SLC9A8: variants seen among roughly 807,000 people sequenced by gnomAD.
SLC9A8 encodes sodium/hydrogen exchanger 8.
A neutral mutation model predicts 66.6 loss-of-function variants in SLC9A8; 48 were observed. The observed-to-expected ratio is 0.72, with a 90% CI of 0.57 to 0.92. SLC9A8 has a LOEUF of 0.92. Among genes scored for constraint, SLC9A8 ranks in the 40% least tolerant of loss-of-function variants. The pLI is 0.00. For synonymous variants in SLC9A8, 274 were observed against 282.6 expected (o/e 0.97, Z 0.31); for missense variants, 599 against 747.3 (o/e 0.80, Z 2.31).
At chr20:49,841,255 G>A (rs895219662) in intron 4 of SLC9A8, among the ~76,000 whole-genome samples, 7 of 150,960 alleles carry the variant, frequency 4.6e-5, no homozygotes, top group African/African-American at 1.5e-4. Context: ...AGGCTGCAGT[G>A]AGTTATAATT....
chr20:49,816,741 T>A (rs962065031), intron 2 of SLC9A8, among the ~76,000 whole-genome samples: 26 of 152,144 alleles, frequency 1.7e-4, no homozygotes, highest in South Asian at 6.2e-4. Context: ...TTCTTTTTTT[T>A]TTCTTGAGAT....
chr20:49,828,801 T>C (rs1224712499), intron 3 of SLC9A8, among the ~76,000 whole-genome samples: 2 of 151,622 alleles, frequency 1.3e-5, no homozygotes, highest in Non-Finnish European at 2.9e-5. Flanking sequence ...ATTGTGCCAC[T>C]GCACTCCAGC....
intron 7 of SLC9A8, 54 bp downstream of exon 7, chr20:49,850,898 G>C (rs1440600304): frequency 1.5e-6 from 2 of 1,359,986 alleles, no homozygotes; most frequent in African/African-American, 2.9e-5. Context: ...CAGGGGAAAT[G>C]TTTCTCCACA....
In SLC9A8 at chr20:49,812,863, C is replaced by G. The variant is rs2086398414; in HGVS notation, c.-60C>G. The G allele has an allele frequency of 6.7e-7, 1 of 1,492,114 alleles. No homozygotes were observed. The highest frequency in any genetic ancestry group is 1.2e-5 in the South Asian group (1 of 81,868). The allele number at this position is 1,492,114 out of a possible 1,614,324, so 92.4% of individuals were successfully genotyped here. A position where few individuals can be genotyped will look rare whatever the true frequency, so the allele number is the denominator to read the frequency against. On this transcript the variant is annotated 5_prime_UTR_variant, in exon 1 of 16. Transcript: ENST00000361573. ...CCGCGCCTCCAGCGGAAGCCGGAAGCAAAAGCGGGTCCTGCTAGCCCCGCG... is the reference window on the plus strand; with the variant it reads ...CCGCGCCTCCAGCGGAAGCCGGAAGGAAAAGCGGGTCCTGCTAGCCCCGCG...
In SLC9A8 at chr20:49,857,021, G is replaced by A. The variant is rs113144538; in HGVS notation, c.713+1440G>A. Among the ~76,000 whole-genome samples, 24 of 152,268 alleles carry A rather than the reference G, an allele frequency of 1.6e-4. 2 individuals carry two copies. Among genetic ancestry groups the A allele is most frequent in the African/African-American group, 5.5e-4 (23 of 41,542 alleles). On this transcript the variant is annotated intron_variant, in intron 8 of 15. Transcript: ENST00000361573. ...ATAATCTCAAATATATTTTTCTGAT[G>A]CAGGGATATTTCCTTGAACTCTGCA... is the stretch of plus-strand genomic sequence containing the variant.
chr20:49,849,614 G>A lies in SLC9A8; in HGVS notation c.468G>A (p.Leu156=), dbSNP rs751600367. ...TTCAAAATATTGGTTCCATCACCCT[G>A]TTTGCTGTTTTTGGGACGGCAATCT... is the stretch of plus-strand genomic sequence containing the variant. ...NFFQNIGSIT[L]FAVFGTAISA... is the part of the protein sequence containing the mutation. The change falls in exon 6 of 16, where the codon CTG becomes CTA. Residue 156 remains leucine (L), a synonymous_variant. Coordinates refer to ENST00000361573, the MANE Select transcript of SLC9A8 (RefSeq NM_015266.3). The A allele has an allele frequency of 2.0e-5, 33 of 1,613,936 alleles. No individual in the cohort carries two copies. Among genetic ancestry groups the A allele is most frequent in the Non-Finnish European group, 2.7e-5 (32 of 1,179,892 alleles).
Position 49,845,208 on chromosome 20 carries a change from C to T in SLC9A8, c.432+89C>T. 3.8e-6 allele frequency: 3 copies of T among 789,348 alleles called. No homozygotes were observed. The South Asian group carries it at 4.4e-5, about 12-fold the overall frequency. The allele number at this position is 789,348 out of a possible 1,614,324, so 48.9% of individuals were successfully genotyped here. A position where few individuals can be genotyped will look rare whatever the true frequency, so the allele number is the denominator to read the frequency against. On this transcript the variant is annotated intron_variant, in intron 5 of 15. Transcript: ENST00000361573. ...CCTTAAAAGCTTGGGTATAATTTAG[C>T]AGCAGCAGCAGCAGCAGCTCTGCTC...
chr20:49,855,216 G>GA (rs1555837569), intron 7 of SLC9A8, among the ~76,000 whole-genome samples: 1 of 152,190 alleles, frequency 6.6e-6, no homozygotes, highest in Non-Finnish European at 1.5e-5. Flanking sequence ...GCTGACACTA[G>GA]AAAACCAGGC....
At chr20:49,823,022 T>G (rs760493834) in intron 2 of SLC9A8, 39 bp from the exon 3 acceptor site, 22 of 1,507,310 alleles carry the variant, frequency 1.5e-5, no homozygotes, top group Non-Finnish European at 1.8e-5. Flanking sequence ...CAGAATTGAG[T>G]GTTTTTTTTA....
chr20:49,866,985 A>G (rs1006366869), intron 10 of SLC9A8, among the ~76,000 whole-genome samples: 1 of 152,038 alleles, frequency 6.6e-6, no homozygotes. Flanking sequence ...TCTCTTCATC[A>G]TGTTCATGTT....
At chr20:49,881,075 G>GT in intron 13 of SLC9A8, 40 bp downstream of exon 13, 1 of 1,421,798 alleles carries the variant, frequency 7.0e-7, no homozygotes, top group Non-Finnish European at 9.9e-7. Context: ...GGAAGTACCT[G>GT]TTAAAAGCAC....
chr20:49,819,747 CT>C (rs201908630), intron 2 of SLC9A8, among the ~76,000 whole-genome samples: 13,031 of 152,238 alleles, frequency 0.086, 663 homozygotes, highest in Middle Eastern at 0.13. Flanking sequence ...TGCTTTCTGT[CT>C]CTAGGAATTT....
At chr20:49,868,131 C>T (rs1022661380) in intron 10 of SLC9A8, among the ~76,000 whole-genome samples, 1 of 152,228 alleles carries the variant, frequency 6.6e-6, no homozygotes, top group Non-Finnish European at 1.5e-5. Flanking sequence ...TGTTCCTCTA[C>T]CCCCTTGAGA....
intron 3 of SLC9A8, chr20:49,831,048 A>T: frequency 1.4e-6 from 1 of 722,868 alleles, no homozygotes; most frequent in South Asian, 1.4e-5. Context: ...GACCAGTCCA[A>T]CAATATGTCC....
chr20:49,834,415 ATACT>A (rs2087422761), intron 3 of SLC9A8, among the ~76,000 whole-genome samples: 5 of 44,422 alleles, frequency 1.1e-4, no homozygotes, highest in Admixed American at 2.2e-4. Context: ...GTATATATAT[ATACT>A]GTATATATAT....
chr20:49,845,979 C>T (rs1290599371), intron 5 of SLC9A8, among the ~76,000 whole-genome samples: 2 of 152,170 alleles, frequency 1.3e-5, no homozygotes, highest in East Asian at 3.8e-4. Context: ...GGATTACAGG[C>T]ACACGCCACC....
intron 14 of SLC9A8, chr20:49,884,289 G>GACACACACACACGACACACACAC (rs2089789859): frequency 5.4e-5 from 2 of 36,862 alleles, no homozygotes; most frequent in Admixed American, 3.8e-4. Context: ...ACACACACAC[G>GACACACACACACGACACACACAC]ACACACACAC....
rs369856632 is a variant in SLC9A8 at position 49,864,787 on chromosome 20, A to G, written c.901A>G (p.Met301Val). ...LRKTPSLEFG[M>V]MIIFAYLPYG... ...GAAAACGCCTTCCTTGGAGTTTGGC[A>G]TGATGATCATTTTTGCTTATCTGCC... The change falls in exon 10 of 16, where the codon ATG (methionine) becomes GTG (valine). Residue 301 changes from methionine to valine, a missense_variant. Met to Val is a conservative substitution (Grantham distance 21). This residue lies in a region of SLC9A8 where 467 missense variants were observed against 626.5 expected (regional missense o/e 0.75). Transcript: ENST00000361573. 6.2e-6 allele frequency: 10 copies of G among 1,614,078 alleles called. No homozygotes were observed. The Admixed American group carries it at 1.0e-4, about 16-fold the overall frequency.
intron 3 of SLC9A8, among the ~76,000 whole-genome samples, chr20:49,834,439 A>G (rs1225495226): frequency 1.8e-5 from 1 of 56,016 alleles, no homozygotes; most frequent in Non-Finnish European, 4.0e-5. Context: ...TACTGTATAT[A>G]TATATATATA....
Sources: gnomAD v4.1 joint callset for allele counts (sites outside exome capture counted in the v4.1 genomes callset) on GRCh38, gnomAD v4.1.1 for gene constraint, gnomAD v4.1.1 regional missense constraint, MANE v1.5 for transcripts, NCBI Gene and HGNC (gene_info 2026-07-23, HGNC 2026-07-21) for gene names.